The following SLC41A2 variants were observed in gnomAD, a reference collection of about 807,000 sequenced individuals.
SLC41A2 encodes SLC41A1-like 1.
A neutral mutation model predicts 58.3 loss-of-function variants in SLC41A2; 32 were observed. The observed-to-expected ratio is 0.55, with a 90% CI of 0.41 to 0.74. The LOEUF (loss-of-function observed/expected upper bound fraction) is 0.74, where lower values mean the gene tolerates loss of function less well. Among genes scored for constraint, SLC41A2 ranks in the 30% least tolerant of loss-of-function variants. The probability of loss-of-function intolerance (pLI) is 0.00; values close to 1 mark genes in which losing one functional copy is unlikely to be tolerated. For synonymous variants in SLC41A2, 190 were observed against 235.0 expected (o/e 0.81, Z 1.75); for missense variants, 514 against 680.6 (o/e 0.76, Z 2.72).
chr12:104,841,333 T>C (rs780382345), intron 10 of SLC41A2, among the ~76,000 whole-genome samples: 15 of 151,724 alleles, frequency 9.9e-5, no homozygotes, highest in Non-Finnish European at 2.1e-4. Context: ...TTTTTTTTTT[T>C]AGTTCTTCTG....
intron 6 of SLC41A2, among the ~76,000 whole-genome samples, chr12:104,877,992 G>A (rs943371931): frequency 1.3e-5 from 2 of 151,854 alleles, no homozygotes; most frequent in Non-Finnish European, 1.5e-5. Flanking sequence ...CTGGATGACA[G>A]AGCAAGACTC....
At chr12:104,843,925 GTTTCT>G (rs1381556432) in intron 10 of SLC41A2, among the ~76,000 whole-genome samples, 5 of 152,046 alleles carry the variant, frequency 3.3e-5, no homozygotes, top group Admixed American at 6.5e-5. Context: ...CATCAATGTA[GTTTCT>G]TTTGAGTGTA....
chr12:104,914,169 C>T (rs1009689099), intron 2 of SLC41A2, among the ~76,000 whole-genome samples: 1 of 152,142 alleles, frequency 6.6e-6, no homozygotes, highest in Non-Finnish European at 1.5e-5. Context: ...TCATAGCATC[C>T]TTAGGACAAA....
intron 10 of SLC41A2, among the ~76,000 whole-genome samples, chr12:104,809,235 C>T (rs2041062836): frequency 1.3e-5 from 2 of 152,202 alleles, no homozygotes; most frequent in South Asian, 2.1e-4. Flanking sequence ...CTATTTGTGG[C>T]CCCTGGTATG....
intron 2 of SLC41A2, among the ~76,000 whole-genome samples, chr12:104,915,386 C>T (rs536880972): frequency 6.6e-6 from 1 of 152,184 alleles, no homozygotes; most frequent in Non-Finnish European, 1.5e-5. Flanking sequence ...GATATTGATT[C>T]TTCCTACCCA....
intron 5 of SLC41A2, among the ~76,000 whole-genome samples, chr12:104,887,545 AG>A (rs974046436): frequency 6.6e-6 from 1 of 151,942 alleles, no homozygotes; most frequent in African/African-American, 2.4e-5. Flanking sequence ...TCATTGAAAA[AG>A]AAAAAAAGCT....
chr12:104,949,078 G>A (rs1016037542), intron 1 of SLC41A2, among the ~76,000 whole-genome samples: 1 of 152,088 alleles, frequency 6.6e-6, no homozygotes, highest in Non-Finnish European at 1.5e-5. Context: ...AGTGGGGCAT[G>A]GTGGTGGTGC....
chr12:104,879,238 A>T (rs1204901631), intron 6 of SLC41A2, among the ~76,000 whole-genome samples: 1 of 151,980 alleles, frequency 6.6e-6, no homozygotes, highest in African/African-American at 2.4e-5. Flanking sequence ...GATTGCAAAA[A>T]TTTTCTCCCA....
Position 104,909,694 on chromosome 12 carries a change from C to T in SLC41A2, c.624G>A (p.Gly208=). The change falls in exon 3 of 11, where the codon GGG becomes GGA. Residue 208 remains glycine, a synonymous_variant. Coordinates refer to ENST00000258538, the MANE Select transcript of SLC41A2 (RefSeq NM_001352171.3). ...TGGATGCCAATGTCATTTCCAAGTTCCCTTTGAGACCAAGAAGTGCAGGGA... is the reference window on the plus strand; with the variant it reads ...TGGATGCCAATGTCATTTCCAAGTTTCCTTTGAGACCAAGAAGTGCAGGGA... ...ILVPALLGLK[G]NLEMTLASRL... 1.2e-6 allele frequency: 2 copies of T among 1,612,158 alleles called. No individual in the cohort carries two copies. Among genetic ancestry groups the T allele is most frequent in the Non-Finnish European group, 1.7e-6 (2 of 1,179,338 alleles).
chr12:104,840,117 C>T (rs1349371937), intron 10 of SLC41A2, among the ~76,000 whole-genome samples: 1 of 152,114 alleles, frequency 6.6e-6, no homozygotes, highest in African/African-American at 2.4e-5. Flanking sequence ...ACAGAAAACC[C>T]TGAAGATGAC....
chr12:104,923,555 A>T (rs929250396), intron 2 of SLC41A2, among the ~76,000 whole-genome samples: 2 of 152,070 alleles, frequency 1.3e-5, no homozygotes. Flanking sequence ...TTTTGAAAAG[A>T]TAAAATCAAC....
intron 2 of SLC41A2, among the ~76,000 whole-genome samples, chr12:104,913,354 C>T (rs1256672918): frequency 1.3e-5 from 2 of 152,122 alleles, no homozygotes; most frequent in Non-Finnish European, 2.9e-5. Flanking sequence ...GCTTTCTTCC[C>T]TAAGGGCTAC....
intron 10 of SLC41A2, among the ~76,000 whole-genome samples, chr12:104,835,271 C>T (rs2042170215): frequency 6.6e-6 from 1 of 152,144 alleles, no homozygotes; most frequent in African/African-American, 2.4e-5. Context: ...TCTCACACTG[C>T]ATCAGAGGAA....
chr12:104,927,045 G>A (rs1007898332), intron 2 of SLC41A2, among the ~76,000 whole-genome samples: 12 of 152,008 alleles, frequency 7.9e-5, no homozygotes, highest in Non-Finnish European at 1.5e-4. Flanking sequence ...GCCACAGAGC[G>A]AGACCCTGTC....
intron 6 of SLC41A2, among the ~76,000 whole-genome samples, chr12:104,877,232 G>T (rs1327640534): frequency 6.6e-6 from 1 of 152,118 alleles, no homozygotes; most frequent in Non-Finnish European, 1.5e-5. Context: ...ATTTAAATGT[G>T]CCTGTTCCTA....
intron 8 of SLC41A2, among the ~76,000 whole-genome samples, chr12:104,853,926 T>TTTA (rs1565842738): frequency 5.0e-5 from 6 of 118,928 alleles, no homozygotes; most frequent in African/African-American, 1.8e-4. Context: ...TTTTTTTTTT[T>TTTA]TTTTTTTTTT....
intron 1 of SLC41A2, among the ~76,000 whole-genome samples, chr12:104,957,058 A>G (rs2048194757): frequency 6.6e-6 from 1 of 152,222 alleles, no homozygotes; most frequent in African/African-American, 2.4e-5. Flanking sequence ...GAGCACTGAA[A>G]ACACATGTCC....
At chr12:104,814,386 CAACA>C (rs540543286) in intron 10 of SLC41A2, among the ~76,000 whole-genome samples, 2 of 152,060 alleles carry the variant, frequency 1.3e-5, no homozygotes, top group Non-Finnish European at 1.5e-5. Context: ...TTGTGTCTCA[CAACA>C]AACAAACAAA....
chr12:104,821,305 T>A (rs899187737), intron 10 of SLC41A2, among the ~76,000 whole-genome samples: 1 of 152,124 alleles, frequency 6.6e-6, no homozygotes, highest in Admixed American at 6.6e-5. Flanking sequence ...TTAAAAAAAA[T>A]TCCCAAGGAG....
Sources: gnomAD v4.1 joint callset for allele counts (sites outside exome capture counted in the v4.1 genomes callset) on GRCh38, gnomAD v4.1.1 for gene constraint, MANE v1.5 for transcripts, NCBI Gene and HGNC (gene_info 2026-07-23, HGNC 2026-07-21) for gene names.